The following GOLM2 variants were observed in gnomAD, a reference collection of about 807,000 sequenced individuals.
GOLM2 encodes the protein protein GOLM2.
In GOLM2, 26 loss-of-function variants were observed where a neutral mutation model predicts 55.9. The ratio of observed to expected loss-of-function variants is 0.47; its 90% confidence interval spans 0.34 to 0.65. The LOEUF is 0.65. GOLM2 is among the 30% of genes least tolerant of loss of function. The pLI, the probability that GOLM2 is intolerant of heterozygous loss-of-function variation, is 0.01. For synonymous variants in GOLM2, 165 were observed against 194.6 expected, an observed-to-expected ratio of 0.85 and a Z score of 1.27; for missense variants, 486 against 531.8, an observed-to-expected ratio of 0.91 and a Z score of 0.85.
At chr15:44,410,437 A>G (rs993825956) in intron 9 of GOLM2, among the ~76,000 whole-genome samples, 2 of 152,210 alleles carry the variant, frequency 1.3e-5, no homozygotes, top group African/African-American at 4.8e-5. Context: ...TCTCAAAAAT[A>G]TATACATAAT....
At chr15:44,413,117 A>G (rs1161483433) in intron 9 of GOLM2, among the ~76,000 whole-genome samples, 1 of 152,152 alleles carries the variant, frequency 6.6e-6, no homozygotes. Flanking sequence ...TCTGTCATCT[A>G]TGTCTATTTT....
At chr15:44,366,295 T>G (rs1274261155) in intron 6 of GOLM2, among the ~76,000 whole-genome samples, 16 of 96,344 alleles carry the variant, frequency 1.7e-4, no homozygotes, top group Admixed American at 5.1e-4. Flanking sequence ...AGACTCCGTC[T>G]CAAAAAAAAA....
At chr15:44,364,874 C>T (rs972723187) in intron 6 of GOLM2, among the ~76,000 whole-genome samples, 1 of 152,254 alleles carries the variant, frequency 6.6e-6, no homozygotes, top group Middle Eastern at 3.4e-3. Flanking sequence ...CAAGTTCCAG[C>T]ACACTGAAAA....
chr15:44,349,861 C>T (rs1333793974), intron 6 of GOLM2, among the ~76,000 whole-genome samples: 3 of 152,120 alleles, frequency 2.0e-5, no homozygotes, highest in Non-Finnish European at 2.9e-5. Flanking sequence ...TATACAAACA[C>T]ATGGAAATTA....
At chr15:44,316,158 T>C (rs1241392238) in intron 1 of GOLM2, among the ~76,000 whole-genome samples, 1 of 152,210 alleles carries the variant, frequency 6.6e-6, no homozygotes, top group Admixed American at 6.5e-5. Context: ...AGAACTCCAA[T>C]TAATTTCTCA....
At chr15:44,396,307 G>A (rs751566122) in intron 8 of GOLM2, among the ~76,000 whole-genome samples, 5 of 151,918 alleles carry the variant, frequency 3.3e-5, no homozygotes, top group East Asian at 3.9e-4. Flanking sequence ...GTGGTGAGCC[G>A]AGATTGCAAC....
chr15:44,350,304 C>T (rs1595641241), intron 6 of GOLM2, among the ~76,000 whole-genome samples: 1 of 152,106 alleles, frequency 6.6e-6, no homozygotes, highest in South Asian at 2.1e-4. Flanking sequence ...GCAATAGATA[C>T]TGCAGAAATT....
intron 6 of GOLM2, among the ~76,000 whole-genome samples, chr15:44,341,282 A>G (rs1419475824): frequency 2.0e-5 from 3 of 151,714 alleles, no homozygotes; most frequent in African/African-American, 7.3e-5. Context: ...GGGTTTCACC[A>G]TGTTAGCCAG....
intron 7 of GOLM2, 28 bp from the exon 8 acceptor site, chr15:44,380,775 ATTC>A (rs1323455907): frequency 7.3e-7 from 1 of 1,364,672 alleles, no homozygotes; most frequent in Admixed American, 2.7e-5. Flanking sequence ...ATTAAATTAT[ATTC>A]TTTTAATTTG....
At position 44,320,851 on chromosome 15, in the gene GOLM2, G is replaced by C. The variant is rs142899456; in HGVS notation, c.328-2114G>C. On this transcript the variant is annotated intron_variant, in intron 1 of 9. Coordinates refer to ENST00000299957, the MANE Select transcript of GOLM2 (RefSeq NM_138423.4). The stretch of plus-strand genomic sequence containing the variant: ...TTCTTTCCAACTCTTCTTTTCATGT[G>C]CTCCAGTCAGACAGTATGTTGGTGG... Among the ~76,000 whole-genome samples, 770 of 152,196 alleles carry C rather than the reference G, an allele frequency of 5.1e-3. 10 individuals carry two copies. Among genetic ancestry groups the C allele is most frequent in the African/African-American group, 0.018 (742 of 41,522 alleles).
intron 1 of GOLM2, among the ~76,000 whole-genome samples, chr15:44,305,430 C>T (rs2078830692): frequency 6.6e-6 from 1 of 152,020 alleles, no homozygotes; most frequent in Non-Finnish European, 1.5e-5. Flanking sequence ...CTCCGAGTAG[C>T]TGGGACCACA....
chr15:44,328,983 C>T (rs1354267352), intron 3 of GOLM2, among the ~76,000 whole-genome samples, 196 bp downstream of exon 3: 1 of 152,098 alleles, frequency 6.6e-6, no homozygotes, highest in Non-Finnish European at 1.5e-5. Flanking sequence ...ATAAATTAAA[C>T]AGCATGAAGT....
At chr15:44,393,723 C>T (rs942541615) in intron 8 of GOLM2, among the ~76,000 whole-genome samples, 32 of 152,146 alleles carry the variant, frequency 2.1e-4, no homozygotes, top group Admixed American at 1.4e-3. Flanking sequence ...CACATTCAAG[C>T]GTTTGTCGCC....
intron 6 of GOLM2, among the ~76,000 whole-genome samples, chr15:44,342,887 C>T (rs1366359072): frequency 6.6e-6 from 1 of 152,118 alleles, no homozygotes; most frequent in Non-Finnish European, 1.5e-5. Flanking sequence ...AGATTCAAAC[C>T]TTTGGCTCTT....
At chr15:44,360,351 G>C (rs1461858419) in intron 6 of GOLM2, among the ~76,000 whole-genome samples, 1 of 152,160 alleles carries the variant, frequency 6.6e-6, no homozygotes, top group Admixed American at 6.6e-5. Context: ...TAGAAGCATG[G>C]AGAAAGATCT....
chr15:44,332,354 C>T (rs1413876174), intron 4 of GOLM2, among the ~76,000 whole-genome samples: 1 of 152,088 alleles, frequency 6.6e-6, no homozygotes, highest in East Asian at 1.9e-4. Flanking sequence ...GTCAGGAGTT[C>T]AAGATCACCC....
intron 8 of GOLM2, among the ~76,000 whole-genome samples, chr15:44,387,991 C>G (rs888219699): frequency 2.0e-5 from 3 of 150,874 alleles, no homozygotes; most frequent in Admixed American, 2.0e-4. Flanking sequence ...GTTTTTGAGA[C>G]GGAGTCTTGC....
intron 6 of GOLM2, among the ~76,000 whole-genome samples, chr15:44,369,089 A>ATC (rs775137891): frequency 1.2e-5 from 1 of 83,380 alleles, no homozygotes; most frequent in African/African-American, 4.4e-5. Flanking sequence ...ATATATATAT[A>ATC]TATATATATA....
chr15:44,405,683 C>T (rs532618789), intron 9 of GOLM2, among the ~76,000 whole-genome samples: 11 of 152,010 alleles, frequency 7.2e-5, no homozygotes, highest in African/African-American at 2.2e-4. Context: ...TGCAGTGGTG[C>T]GATCTCAGCT....
Sources: allele counts gnomAD v4.1 joint callset (sites outside exome capture counted in the v4.1 genomes callset), GRCh38; gene constraint gnomAD v4.1.1; transcripts MANE v1.5; gene names NCBI Gene and HGNC (gene_info 2026-07-23, HGNC 2026-07-21).